BMPR1A: variants seen among roughly 807,000 people sequenced by gnomAD.
BMPR1A encodes the protein bone morphogenetic protein receptor type 1A, also known as bone morphogenetic protein receptor type-1A.
BMPR1A carries 7 observed loss-of-function variants against 66.0 expected under a neutral mutation model. That is an observed-to-expected ratio of 0.11 (90% CI 0.06 to 0.20). The LOEUF (loss-of-function observed/expected upper bound fraction) is 0.20, where lower values mean the gene tolerates loss of function less well. Among genes scored for constraint, BMPR1A ranks in the 10% least tolerant of loss-of-function variants. The pLI is 1.00. For missense variants in BMPR1A, 408 were observed against 669.1 expected (o/e 0.61, Z 4.31); for synonymous variants, 200 against 229.7 (o/e 0.87, Z 1.17).
chr10:86,831,408 C>G (rs1216844613), intron 1 of BMPR1A, among the ~76,000 whole-genome samples: 1 of 151,964 alleles, frequency 6.6e-6, no homozygotes, highest in East Asian at 1.9e-4. Context: ...CTTAATTGAT[C>G]CTATTCTAAT....
At chr10:86,776,935 T>G (rs1276862973) in intron 1 of BMPR1A, among the ~76,000 whole-genome samples, 1 of 152,162 alleles carries the variant, frequency 6.6e-6, no homozygotes, top group Non-Finnish European at 1.5e-5. Context: ...CAAAAAATTA[T>G]AACCCCTTCC....
chr10:86,852,966 CAG>C (rs1194734716), intron 2 of BMPR1A, among the ~76,000 whole-genome samples: 1 of 151,986 alleles, frequency 6.6e-6, no homozygotes, highest in African/African-American at 2.4e-5. Flanking sequence ...AGAGGATTAA[CAG>C]AGCTGAAAGT....
At chr10:86,856,105 T>C in intron 2 of BMPR1A, 1 of 530,216 alleles carries the variant, frequency 1.9e-6, no homozygotes, top group South Asian at 1.5e-5. Flanking sequence ...TTCAGTAATA[T>C]CATAGACTTT....
At chr10:86,848,222 C>T (rs369743957) in intron 2 of BMPR1A, among the ~76,000 whole-genome samples, 22 of 152,270 alleles carry the variant, frequency 1.4e-4, no homozygotes, top group East Asian at 1.4e-3. Context: ...TGAGCCACCA[C>T]GCCTGGTCCA....
intron 1 of BMPR1A, among the ~76,000 whole-genome samples, chr10:86,777,228 T>C (rs557606009): frequency 1.3e-5 from 2 of 152,300 alleles, no homozygotes; most frequent in South Asian, 4.1e-4. Context: ...GAACCGCAGT[T>C]GGTTAAATCC....
intron 1 of BMPR1A, among the ~76,000 whole-genome samples, chr10:86,791,735 T>G (rs1841628198): frequency 1.3e-5 from 1 of 74,912 alleles, no homozygotes; most frequent in Non-Finnish European, 2.6e-5. Context: ...CTTCCTTCCC[T>G]CCCTCCCTCC....
intron 1 of BMPR1A, among the ~76,000 whole-genome samples, chr10:86,809,222 T>A (rs936426994): frequency 6.6e-6 from 1 of 152,184 alleles, no homozygotes; most frequent in Non-Finnish European, 1.5e-5. Context: ...GCATTAAGTA[T>A]ATTTACAGTG....
intron 2 of BMPR1A, among the ~76,000 whole-genome samples, chr10:86,873,414 C>A (rs1842877489): frequency 6.6e-6 from 1 of 150,736 alleles, no homozygotes; most frequent in South Asian, 2.1e-4. Flanking sequence ...ATAGCGAGAC[C>A]CACCGCCCCC....
chr10:86,870,239 A>G (rs548592297), intron 2 of BMPR1A, among the ~76,000 whole-genome samples: 4 of 152,312 alleles, frequency 2.6e-5, no homozygotes, highest in African/African-American at 7.2e-5. Flanking sequence ...TCAGAACCAA[A>G]TGCCCGTTAG....
chr10:86,883,317 G>A (rs1487901305), intron 3 of BMPR1A, among the ~76,000 whole-genome samples: 7 of 152,118 alleles, frequency 4.6e-5, no homozygotes, highest in Non-Finnish European at 8.8e-5. Flanking sequence ...TTGGGAGGCC[G>A]AGGTGGGCGG....
At chr10:86,891,394 C>T (rs550357165) in intron 4 of BMPR1A, among the ~76,000 whole-genome samples, 142 of 152,272 alleles carry the variant, frequency 9.3e-4, no homozygotes, top group Admixed American at 2.2e-3. Flanking sequence ...ACATTTTCTC[C>T]TAACAGAAAA....
chr10:86,804,033 A>C (rs1018987534), intron 1 of BMPR1A, among the ~76,000 whole-genome samples: 6 of 151,998 alleles, frequency 3.9e-5, no homozygotes, highest in African/African-American at 1.4e-4. Flanking sequence ...ATATTTTCTA[A>C]CCAGTTTTGT....
intron 7 of BMPR1A, among the ~76,000 whole-genome samples, chr10:86,911,034 A>G (rs751066043): frequency 6.6e-6 from 1 of 151,914 alleles, no homozygotes; most frequent in Non-Finnish European, 1.5e-5. Context: ...ACATACCAGT[A>G]GTCCCAGCCA....
intron 2 of BMPR1A, among the ~76,000 whole-genome samples, chr10:86,859,740 G>T (rs1471588166): frequency 2.0e-5 from 3 of 151,986 alleles, no homozygotes; most frequent in Non-Finnish European, 4.4e-5. Context: ...AACCTGGGAG[G>T]CGGAGGTTGC....
intron 2 of BMPR1A, among the ~76,000 whole-genome samples, chr10:86,866,060 C>T (rs1387457056): frequency 1.3e-5 from 2 of 152,112 alleles, no homozygotes; most frequent in Non-Finnish European, 2.9e-5. Flanking sequence ...ACAGGAACAG[C>T]GAACCAAATT....
chr10:86,858,520 G>A (rs936004954), intron 2 of BMPR1A, among the ~76,000 whole-genome samples: 4 of 152,084 alleles, frequency 2.6e-5, no homozygotes, highest in South Asian at 2.1e-4. Flanking sequence ...GAATTGCCAC[G>A]ATCATATATA....
At position 86,900,150 on chromosome 10, in the gene BMPR1A, C is replaced by A. The variant is rs372259392; in HGVS notation, c.530+24C>A. 131 of 1,606,502 alleles carry A rather than the reference C, an allele frequency of 8.2e-5. 1 individual carries two copies. In the East Asian group the frequency reaches 1.6e-3, roughly 20 times the overall value. On this transcript the variant is annotated intron_variant, in intron 7 of 12. Coordinates refer to ENST00000372037, the MANE Select transcript of BMPR1A (RefSeq NM_004329.3). ...AAGTAAGAAGATATTTATTTTGAAG[C>A]AAAATATTTTGTCAAATATTAGATG...
chr10:86,849,693 T>C (rs1196604777), intron 2 of BMPR1A, among the ~76,000 whole-genome samples: 4 of 152,240 alleles, frequency 2.6e-5, no homozygotes, highest in Admixed American at 6.5e-5. Flanking sequence ...GTGGCTACTT[T>C]ATTGAGTAAC....
At chr10:86,909,035 G>T (rs1040564514) in intron 7 of BMPR1A, among the ~76,000 whole-genome samples, 2 of 152,184 alleles carry the variant, frequency 1.3e-5, no homozygotes, top group Admixed American at 1.3e-4. Context: ...GGGGAAGAGG[G>T]TGTGCAAGAA....
Sources: gnomAD v4.1 joint callset for allele counts (sites outside exome capture counted in the v4.1 genomes callset) on GRCh38, gnomAD v4.1.1 for gene constraint, MANE v1.5 for transcripts, NCBI Gene and HGNC (gene_info 2026-07-23, HGNC 2026-07-21) for gene names.